EYS: variants seen among roughly 807,000 people sequenced by gnomAD.
EYS encodes protein eyes shut homolog.
Under a neutral mutation model 282.1 loss-of-function variants are expected in EYS, and 250 were observed. The observed-to-expected ratio is 0.89, with a 90% CI of 0.80 to 0.98. The LOEUF (loss-of-function observed/expected upper bound fraction) is 0.98. Among genes scored for constraint, EYS ranks in the 50% least tolerant of loss-of-function variants. The pLI, the probability that EYS is intolerant of heterozygous loss-of-function variation, is 0.00. For synonymous variants in EYS, 1,355 were observed against 1,282.9 expected (o/e 1.06, Z -1.20); for missense variants, 4,016 against 3,709.0 (o/e 1.08, Z -2.15).
At chr6:64,524,527 A>G (rs948905054) in intron 26 of EYS, among the ~76,000 whole-genome samples, 2 of 151,784 alleles carry the variant, frequency 1.3e-5, no homozygotes, top group African/African-American at 2.4e-5. Flanking sequence ...TGCACTTGGC[A>G]TCTTTGTCAT....
intron 13 of EYS, among the ~76,000 whole-genome samples, chr6:64,998,603 C>T (rs1008228178): frequency 1.3e-5 from 2 of 152,128 alleles, no homozygotes; most frequent in Non-Finnish European, 2.9e-5. Flanking sequence ...AAGTGAAATA[C>T]ACAAGAATAG....
chr6:64,428,133 C>A (rs1774466350), intron 28 of EYS, among the ~76,000 whole-genome samples: 1 of 152,026 alleles, frequency 6.6e-6, no homozygotes, highest in Non-Finnish European at 1.5e-5. Context: ...TCAACAATTG[C>A]CTTCAATATT....
chr6:65,426,654 G>A (rs1767676067), intron 5 of EYS, among the ~76,000 whole-genome samples: 2 of 152,064 alleles, frequency 1.3e-5, no homozygotes, highest in African/African-American at 4.8e-5. Context: ...TAATTAGGAA[G>A]AACAGAGATA....
In EYS at chr6:64,822,770, A is replaced by C. The variant is rs1042883062; in HGVS notation, c.3045T>G (p.His1015Gln). ...LDECLSEPCL[H>Q]DGVCIDGINH... ...TGATGCCATCGATACAAACTCCATC[A>C]TGGAGACAGGGCTCTGATAGGCATT... The change falls in exon 20 of 43, where the codon CAT becomes CAG. Residue 1015 changes from histidine (H) to glutamine (Q), a missense_variant. Coordinates refer to ENST00000503581, the MANE Select transcript of EYS (RefSeq NM_001142800.2). 1.9e-6 allele frequency: 3 copies of C among 1,550,022 alleles called. No homozygotes were observed. The Admixed American group carries it at 5.9e-5, about 30-fold the overall frequency.
At chr6:65,447,332 G>GTA (rs3049735) in intron 5 of EYS, among the ~76,000 whole-genome samples, 39,959 of 139,902 alleles carry the variant, frequency 0.29, 6,805 homozygotes, top group African/African-American at 0.47. Context: ...ATATGTGTGT[G>GTA]TATATATATA....
intron 5 of EYS, among the ~76,000 whole-genome samples, chr6:65,454,326 T>A (rs182030644): frequency 4.3e-4 from 65 of 152,074 alleles, no homozygotes; most frequent in African/African-American, 1.3e-3. Flanking sequence ...GAGAAATGTA[T>A]ATTAAGTTTT....
intron 12 of EYS, among the ~76,000 whole-genome samples, chr6:65,274,606 A>G (rs1385025437): frequency 6.6e-6 from 1 of 152,166 alleles, no homozygotes; most frequent in African/African-American, 2.4e-5. Context: ...GGTTATAAAA[A>G]TTCTTCAGGC....
chr6:65,256,539 G>A (rs1252880334), intron 12 of EYS, among the ~76,000 whole-genome samples: 1 of 107,272 alleles, frequency 9.3e-6, no homozygotes, highest in African/African-American at 4.1e-5. Context: ...TTGTTCTTGC[G>A]ATAGTTTACT....
chr6:64,068,003 ATATATC>A (rs1404906229), intron 32 of EYS, among the ~76,000 whole-genome samples: 1 of 152,152 alleles, frequency 6.6e-6, no homozygotes, highest in African/African-American at 2.4e-5. Context: ...TCTGTTGTAT[ATATATC>A]TAGGAGTTGA....
At chr6:64,023,882 G>A (rs867101967) in intron 33 of EYS, among the ~76,000 whole-genome samples, 7 of 152,308 alleles carry the variant, frequency 4.6e-5, no homozygotes, top group African/African-American at 1.7e-4. Context: ...GTGGCCGGCC[G>A]GCCCCGCCAG....
At chr6:65,238,585 A>G (rs1468680957) in intron 12 of EYS, among the ~76,000 whole-genome samples, 3 of 152,024 alleles carry the variant, frequency 2.0e-5, no homozygotes, top group African/African-American at 4.8e-5. Context: ...AACTAAAAAT[A>G]AAGTGTACGA....
chr6:64,343,346 T>C (rs1308574659), intron 29 of EYS, among the ~76,000 whole-genome samples: 2 of 151,848 alleles, frequency 1.3e-5, no homozygotes, highest in East Asian at 1.9e-4. Flanking sequence ...ACAGAAATTA[T>C]AACAAACTGT....
In EYS at chr6:63,942,452, G is replaced by C. The variant is rs182960019; in HGVS notation, c.7055+41931C>G. On this transcript the variant is annotated intron_variant, in intron 35 of 42. Coordinates refer to ENST00000503581, the MANE Select transcript of EYS (RefSeq NM_001142800.2). ...CAGCTTAGTAGACATCTCTATTAAG[G>C]TGTCTCTAATTAATAGAAAATTAAT... is the stretch of plus-strand genomic sequence containing the variant. Among the ~76,000 whole-genome samples the C allele has an allele frequency of 2.4e-4, 37 of 152,278 alleles. 1 individual carries two copies. The East Asian group carries it at 5.8e-3, about 24-fold the overall frequency.
intron 22 of EYS, among the ~76,000 whole-genome samples, chr6:64,629,637 A>G (rs1767717570): frequency 6.6e-6 from 1 of 152,022 alleles, no homozygotes; most frequent in South Asian, 2.1e-4. Context: ...TACTGTTCTA[A>G]GTGGTATATT....
At chr6:65,174,918 G>T (rs1234611182) in intron 12 of EYS, among the ~76,000 whole-genome samples, 3 of 151,190 alleles carry the variant, frequency 2.0e-5, no homozygotes, top group Non-Finnish European at 4.4e-5. Context: ...GTAAAAATAT[G>T]ACATCTATTT....
chr6:64,122,214 AATT>A (rs1438646315), intron 31 of EYS, among the ~76,000 whole-genome samples: 2 of 152,156 alleles, frequency 1.3e-5, no homozygotes, highest in African/African-American at 4.8e-5. Context: ...TGAATTGTAG[AATT>A]GTTGCCACCA....
At chr6:64,111,841 T>A (rs1307426880) in intron 31 of EYS, among the ~76,000 whole-genome samples, 1 of 152,018 alleles carries the variant, frequency 6.6e-6, no homozygotes, top group South Asian at 2.1e-4. Context: ...AATTTAAATA[T>A]ATTAGAAAGA....
At chr6:64,121,069 C>T (rs1176277577) in intron 31 of EYS, among the ~76,000 whole-genome samples, 5 of 152,166 alleles carry the variant, frequency 3.3e-5, no homozygotes, top group African/African-American at 7.2e-5. Context: ...TTGCCATGTG[C>T]CCCCCTCCCC....
chr6:64,969,231 C>A (rs1374547025), intron 14 of EYS, among the ~76,000 whole-genome samples: 1 of 152,096 alleles, frequency 6.6e-6, no homozygotes, highest in Non-Finnish European at 1.5e-5. Flanking sequence ...AAGTCTCTGT[C>A]AGTGGTTGCA....
Sources: allele counts gnomAD v4.1 joint callset (sites outside exome capture counted in the v4.1 genomes callset), GRCh38; gene constraint gnomAD v4.1.1; transcripts MANE v1.5; gene names NCBI Gene and HGNC (gene_info 2026-07-23, HGNC 2026-07-21).